The following ADGRL2 variants were observed in gnomAD, a reference collection of about 807,000 sequenced individuals.
ADGRL2 encodes the protein calcium-independent alpha-latrotoxin receptor 2.
In ADGRL2, 44 loss-of-function variants were observed where a neutral mutation model predicts 157.4. That is an observed-to-expected ratio of 0.28 (90% CI 0.22 to 0.36). ADGRL2 has a LOEUF of 0.36. Ranked by LOEUF, ADGRL2 falls within the 10% of genes least tolerant of loss-of-function variation. The pLI, the probability that ADGRL2 is intolerant of heterozygous loss-of-function variation, is 1.00. For missense variants in ADGRL2, 1,510 were observed against 1,768.9 expected (o/e 0.85, Z 2.63); for synonymous variants, 585 against 624.7 (o/e 0.94, Z 0.95).
At position 81,598,445 on chromosome 1, in the gene ADGRL2, C is replaced by A. The variant is rs545655160; in HGVS notation, c.-143+17465C>A. Among the ~76,000 whole-genome samples, 16 of 152,214 alleles carry A rather than the reference C, an allele frequency of 1.1e-4. No individual in the cohort carries two copies. In the South Asian group the frequency reaches 3.3e-3, roughly 32 times the overall value. Reference sequence around the variant, plus strand: ...TTACAATAATTGAGATTTGTTCACCCTGTACATATAATAAAATTATTCAAA... The same window carrying A: ...TTACAATAATTGAGATTTGTTCACCATGTACATATAATAAAATTATTCAAA... On this transcript the variant is annotated intron_variant, in intron 3 of 24. Transcript: ENST00000370721.
At chr1:81,472,633 A>T (rs184470993) in intron 2 of ADGRL2, among the ~76,000 whole-genome samples, 1 of 150,712 alleles carries the variant, frequency 6.6e-6, no homozygotes, top group African/African-American at 2.4e-5. Context: ...AAGACTCTGA[A>T]AAAAAAGGAA....
chr1:81,624,627 A>G (rs1048699743), intron 3 of ADGRL2, among the ~76,000 whole-genome samples: 2 of 152,132 alleles, frequency 1.3e-5, no homozygotes, highest in Non-Finnish European at 2.9e-5. Flanking sequence ...ATGAGATTGG[A>G]GAACATACTG....
intron 2 of ADGRL2, among the ~76,000 whole-genome samples, chr1:81,504,256 A>T (rs1232700506): frequency 1.3e-5 from 2 of 150,228 alleles, no homozygotes; most frequent in Non-Finnish European, 3.0e-5. Context: ...AAAACAGCCC[A>T]CTCATCCTTT....
chr1:81,621,033 G>A lies in ADGRL2; in HGVS notation c.-143+40053G>A, dbSNP rs1215860667. On this transcript the variant is annotated intron_variant, in intron 3 of 24. Coordinates refer to the ADGRL2 transcript ENST00000370721. ...ATCTCAACAGGAGTGCGGCAGGAGT[G>A]TTGTGTCTTTTTCCCCCATATCATG... Among the ~76,000 whole-genome samples, 5 of 152,302 alleles carry A rather than the reference G, an allele frequency of 3.3e-5. No homozygotes were observed. The South Asian group carries it at 1.0e-3, about 32-fold the overall frequency.
intron 3 of ADGRL2, among the ~76,000 whole-genome samples, chr1:81,930,007 C>A (rs284220): frequency 0.046 from 7,068 of 152,214 alleles, 501 homozygotes; most frequent in African/African-American, 0.15. Context: ...AAGTAAGCAG[C>A]TGACCTGGAA....
intron 1 of ADGRL2, among the ~76,000 whole-genome samples, chr1:81,817,805 C>G (rs962519453): frequency 2.6e-5 from 4 of 152,008 alleles, no homozygotes; most frequent in African/African-American, 9.7e-5. Flanking sequence ...TTACCGTTAT[C>G]TACCTCTCAC....
At chr1:81,359,962 A>G (rs2075949548) in intron 1 of ADGRL2, among the ~76,000 whole-genome samples, 2 of 152,034 alleles carry the variant, frequency 1.3e-5, no homozygotes, top group African/African-American at 2.4e-5. Context: ...CTCACCTGCT[A>G]TAATAGACAA....
intron 3 of ADGRL2, among the ~76,000 whole-genome samples, chr1:81,599,906 C>T (rs2081304440): frequency 6.6e-6 from 1 of 152,314 alleles, no homozygotes; most frequent in African/African-American, 2.4e-5. Context: ...ATGAAAAATA[C>T]AGGCATGTTT....
intron 1 of ADGRL2, among the ~76,000 whole-genome samples, chr1:81,824,948 C>CCTCTCT (rs3046312): frequency 0.15 from 19,360 of 127,544 alleles, 1,473 homozygotes; most frequent in East Asian, 0.2. Flanking sequence ...TTTTAATTCT[C>CCTCTCT]CTCTCTCTCT....
intron 1 of ADGRL2, among the ~76,000 whole-genome samples, chr1:81,423,789 A>C (rs2077166360): frequency 6.6e-6 from 1 of 152,228 alleles, no homozygotes; most frequent in African/African-American, 2.4e-5. Flanking sequence ...GATGAATTTC[A>C]TCACAGACAA....
chr1:81,317,616 C>G (rs1358809513), intron 1 of ADGRL2, among the ~76,000 whole-genome samples: 1 of 152,108 alleles, frequency 6.6e-6, no homozygotes, highest in East Asian at 1.9e-4. Context: ...TCTCTAGAAA[C>G]AGTATAGTAA....
intron 3 of ADGRL2, among the ~76,000 whole-genome samples, chr1:81,644,561 C>T (rs2082278365): frequency 6.6e-6 from 1 of 152,088 alleles, no homozygotes; most frequent in Non-Finnish European, 1.5e-5. Context: ...GGCCAAAGAC[C>T]TTAACAGGCA....
intron 2 of ADGRL2, among the ~76,000 whole-genome samples, chr1:81,882,597 G>A (rs2094016175): frequency 1.3e-5 from 2 of 152,082 alleles, no homozygotes; most frequent in South Asian, 4.1e-4. Flanking sequence ...TATGCAATCT[G>A]TTTTCATAGT....
intron 2 of ADGRL2, among the ~76,000 whole-genome samples, chr1:81,764,505 A>G (rs1169648911): frequency 6.6e-6 from 1 of 152,222 alleles, no homozygotes; most frequent in Non-Finnish European, 1.5e-5. Flanking sequence ...AATGCTTCCC[A>G]AGTTTTTCTT....
rs372447467 is a variant in ADGRL2, at chr1:81,936,003, C to T, written c.288-725C>T. On this transcript the variant is annotated intron_variant, in intron 3 of 23. Coordinates refer to ENST00000686636, the MANE Select transcript of ADGRL2 (RefSeq NM_001366006.2). ...ATTTTAGGGAGTACTGGTGTTGAAC[C>T]GAGGTACATAGTCATCTCATTAATT... Among the ~76,000 whole-genome samples the T allele has an allele frequency of 1.6e-4, 24 of 151,698 alleles. No homozygotes were observed. In the South Asian group the frequency reaches 5.0e-3, roughly 32 times the overall value.
intron 1 of ADGRL2, among the ~76,000 whole-genome samples, chr1:81,443,912 C>T (rs2101693692): frequency 6.6e-6 from 1 of 152,230 alleles, no homozygotes; most frequent in South Asian, 2.1e-4. Context: ...AATTAATATA[C>T]TTATTTTGTT....
intron 2 of ADGRL2, among the ~76,000 whole-genome samples, chr1:81,891,383 A>G (rs1055379863): frequency 6.6e-6 from 1 of 152,024 alleles, no homozygotes; most frequent in African/African-American, 2.4e-5. Flanking sequence ...TTGTTAGAGT[A>G]TGTTGTTCTT....
At chr1:81,502,816 A>T in intron 2 of ADGRL2, 1 of 1,612,118 alleles carries the variant, frequency 6.2e-7, no homozygotes, top group Non-Finnish European at 8.5e-7. Flanking sequence ...TGCTGCGGCT[A>T]CTGCTGCTGC....
At chr1:81,481,180 G>C (rs1034269115) in intron 2 of ADGRL2, among the ~76,000 whole-genome samples, 3 of 152,190 alleles carry the variant, frequency 2.0e-5, no homozygotes, top group African/African-American at 7.2e-5. Flanking sequence ...GAAATTGTTT[G>C]TGAAAGTAAT....
Sources: allele counts gnomAD v4.1 joint callset (sites outside exome capture counted in the v4.1 genomes callset), GRCh38; gene constraint gnomAD v4.1.1; transcripts MANE v1.5; gene names NCBI Gene and HGNC (gene_info 2026-07-23, HGNC 2026-07-21).